The following CTNNA1 variants were observed in gnomAD, a reference collection of about 807,000 sequenced individuals.
CTNNA1 encodes catenin alpha-1.
CTNNA1 carries 37 observed loss-of-function variants against 98.4 expected under a neutral mutation model. The ratio of observed to expected loss-of-function variants is 0.38; its 90% CI spans 0.29 to 0.49. The LOEUF (loss-of-function observed/expected upper bound fraction) is 0.49. Among genes scored for constraint, CTNNA1 ranks in the 20% least tolerant of loss-of-function variants. The pLI is 0.95. For missense variants in CTNNA1, 761 were observed against 1,147.2 expected (o/e 0.66, Z 4.86); for synonymous variants, 404 against 413.2 (o/e 0.98, Z 0.27).
intron 5 of CTNNA1, among the ~76,000 whole-genome samples, chr5:138,817,590 T>G (rs1759562043): frequency 6.6e-6 from 1 of 152,210 alleles, no homozygotes; most frequent in African/African-American, 2.4e-5. Context: ...TTTTGCAGGC[T>G]TTCTTCACTC....
intron 1 of CTNNA1, among the ~76,000 whole-genome samples, chr5:138,768,499 A>G (rs1753175688): frequency 6.6e-6 from 1 of 150,406 alleles, no homozygotes; most frequent in South Asian, 2.1e-4. Context: ...AACCTCAAGC[A>G]ATCCACCCAC....
At chr5:138,784,476 G>C (rs972699065) in intron 3 of CTNNA1, among the ~76,000 whole-genome samples, 1 of 152,172 alleles carries the variant, frequency 6.6e-6, no homozygotes, top group African/African-American at 2.4e-5. Context: ...TTCTGAATTT[G>C]TGAACAAATA....
chr5:138,875,037 A>G, intron 7 of CTNNA1: 1 of 924,660 alleles, frequency 1.1e-6, no homozygotes. Context: ...CAGGCTTTCC[A>G]AGTAAAATTG....
At chr5:138,759,633 A>G (rs909494225) in intron 1 of CTNNA1, among the ~76,000 whole-genome samples, 2 of 152,184 alleles carry the variant, frequency 1.3e-5, no homozygotes, top group African/African-American at 4.8e-5. Flanking sequence ...AGCAGCAATC[A>G]GCAATTAGAA....
intron 1 of CTNNA1, among the ~76,000 whole-genome samples, chr5:138,759,980 CTTTTTTTTTTT>C (rs70982734): frequency 1.1e-4 from 7 of 61,246 alleles, no homozygotes; most frequent in South Asian, 1.9e-3. Context: ...AATTTCTTTC[CTTTTTTTTTTT>C]TTTTTTTTTT....
chr5:138,776,857 C>A (rs1754307812), intron 1 of CTNNA1, among the ~76,000 whole-genome samples: 1 of 130,160 alleles, frequency 7.7e-6, no homozygotes, highest in Non-Finnish European at 1.7e-5. Flanking sequence ...GGGGCTGACT[C>A]CCCCACCTCC....
chr5:138,896,478 AC>A (rs777222278), intron 9 of CTNNA1, among the ~76,000 whole-genome samples: 1 of 152,106 alleles, frequency 6.6e-6, no homozygotes, highest in Non-Finnish European at 1.5e-5. Flanking sequence ...GGGACCTGTG[AC>A]CGCCTCATAC....
At position 138,766,486 on chromosome 5, in the gene CTNNA1, A is replaced by G. The variant is rs114618296; in HGVS notation, c.-3+12976A>G. ...TTTTTTCAGAGGGAGTGACCCAATG[A>G]TAATGATAACTGGGGCTCCCTGGAG... On this transcript the variant is annotated intron_variant, in intron 1 of 17. Coordinates refer to ENST00000302763, the MANE Select transcript of CTNNA1 (RefSeq NM_001903.5). Among the ~76,000 whole-genome samples, 1,384 of 147,458 alleles carry G rather than the reference A, an allele frequency of 9.4e-3. 12 individuals carry two copies. The highest frequency in any genetic ancestry group is 0.016 in the Non-Finnish European group (1,065 of 67,388).
chr5:138,828,988 G>T (rs1163523591), intron 7 of CTNNA1, among the ~76,000 whole-genome samples: 5 of 152,142 alleles, frequency 3.3e-5, no homozygotes, highest in Non-Finnish European at 7.4e-5. Context: ...ACTGGGCATG[G>T]TGGCGCACGC....
chr5:138,795,674 T>C (rs1037495366), intron 3 of CTNNA1, among the ~76,000 whole-genome samples: 2 of 152,130 alleles, frequency 1.3e-5, no homozygotes, highest in African/African-American at 4.8e-5. Flanking sequence ...TGTAAAACAC[T>C]GTGTAAAAAG....
intron 7 of CTNNA1, among the ~76,000 whole-genome samples, chr5:138,849,883 G>A (rs1346463666): frequency 6.6e-6 from 1 of 151,886 alleles, no homozygotes; most frequent in Non-Finnish European, 1.5e-5. Context: ...GGGTCTAAAA[G>A]AGTATCTAAT....
At position 138,865,999 on chromosome 5, in the gene CTNNA1, A is replaced by T. The variant is rs142079005; in HGVS notation, c.1063-20213A>T. 7.2e-3 allele frequency among the ~76,000 whole-genome samples: 1,095 copies of T among 152,230 alleles called. 6 individuals are homozygous for T. The highest frequency in any genetic ancestry group is 9.6e-3 in the Non-Finnish European group (655 of 68,008). On this transcript the variant is annotated intron_variant, in intron 7 of 17. Transcript: ENST00000302763. ...ATTTTTTGGCCCTCACGATGATGAA[A>T]TTGGTAGGCTAATTATAAATGGCTG... is the stretch of plus-strand genomic sequence containing the variant.
chr5:138,896,095 A>G (rs138931964), intron 9 of CTNNA1, among the ~76,000 whole-genome samples: 43 of 152,364 alleles, frequency 2.8e-4, no homozygotes, highest in African/African-American at 1.0e-3. Context: ...ATATCACACT[A>G]TGGAAATAAG....
intron 9 of CTNNA1, among the ~76,000 whole-genome samples, chr5:138,892,926 G>A (rs1256963384): frequency 6.6e-6 from 1 of 152,080 alleles, no homozygotes; most frequent in African/African-American, 2.4e-5. Context: ...TGAGGCAGGA[G>A]AATCACTTGA....
chr5:138,911,134 G>A (rs1276374275), intron 10 of CTNNA1, among the ~76,000 whole-genome samples: 1 of 152,142 alleles, frequency 6.6e-6, no homozygotes, highest in African/African-American at 2.4e-5. Context: ...CTACATGGAA[G>A]GCCGAGGTGG....
At chr5:138,855,057 G>C (rs1337361560) in intron 7 of CTNNA1, among the ~76,000 whole-genome samples, 2 of 152,196 alleles carry the variant, frequency 1.3e-5, no homozygotes, top group Admixed American at 1.3e-4. Flanking sequence ...TTTTTGTTTT[G>C]AGACGGAGTC....
chr5:138,924,146 A>T (rs1580850788), intron 11 of CTNNA1, among the ~76,000 whole-genome samples: 2 of 152,188 alleles, frequency 1.3e-5, no homozygotes, highest in East Asian at 3.8e-4. Flanking sequence ...TTTATTTGGG[A>T]CATAGAGTCA....
At chr5:138,792,267 G>A (rs1333891287) in intron 3 of CTNNA1, among the ~76,000 whole-genome samples, 2 of 152,144 alleles carry the variant, frequency 1.3e-5, no homozygotes, top group Admixed American at 6.5e-5. Flanking sequence ...GAAAAATAAT[G>A]TATTTCATCC....
chr5:138,809,453 C>A (rs1758446746), intron 3 of CTNNA1, among the ~76,000 whole-genome samples: 1 of 152,060 alleles, frequency 6.6e-6, no homozygotes, highest in Non-Finnish European at 1.5e-5. Context: ...CAATTGTAGG[C>A]CATACCATAA....
Sources: gnomAD v4.1 joint callset for allele counts (sites outside exome capture counted in the v4.1 genomes callset) on GRCh38, gnomAD v4.1.1 for gene constraint, MANE v1.5 for transcripts, NCBI Gene and HGNC (gene_info 2026-07-23, HGNC 2026-07-21) for gene names.